The following APOBEC3B variants were observed in gnomAD, a reference collection of about 807,000 sequenced individuals.
APOBEC3B encodes the protein apolipoprotein B mRNA editing enzyme catalytic subunit 3B.
A neutral mutation model predicts 53.4 loss-of-function variants in APOBEC3B; 29 were observed. The ratio of observed to expected loss-of-function variants is 0.54; its 90% CI spans 0.40 to 0.74. APOBEC3B has a LOEUF of 0.74. APOBEC3B is among the 30% of genes least tolerant of loss of function. The pLI is 0.00. For missense variants in APOBEC3B, 347 were observed against 496.2 expected, an observed-to-expected ratio of 0.70 and a Z score of 2.86; for synonymous variants, 132 against 184.8, an observed-to-expected ratio of 0.71 and a Z score of 2.32.
Position 38,992,051 on chromosome 22 carries a change from G to C in APOBEC3B, c.1036G>C (p.Asp346His). The C allele has an allele frequency of 6.3e-7, 1 of 1,587,522 alleles. No individual in the cohort carries two copies. The highest frequency in any genetic ancestry group is 8.6e-7 in the Non-Finnish European group (1 of 1,169,556). ...CTTTTCAGAGTTTGAGTACTGCTGG[G>C]ACACCTTTGTGTACCGCCAGGGATG... Reference protein sequence around the residue: ...MTYDEFEYCWDTFVYRQGCPF... With the variant: ...MTYDEFEYCWHTFVYRQGCPF... The change falls in exon 7 of 8, where the codon GAC becomes CAC. Residue 346 changes from aspartate to histidine, a missense_variant. This residue lies in a region of APOBEC3B where 78 missense variants were observed against 103.9 expected (regional missense o/e 0.75). Transcript: ENST00000333467.
intron 4 of APOBEC3B, 64 bp downstream of exon 4, chr22:38,986,476 C>A: frequency 6.5e-7 from 1 of 1,547,124 alleles, no homozygotes; most frequent in Non-Finnish European, 8.8e-7. Context: ...CTGAGGCCTC[C>A]GTTGGCCTGG....
intron 4 of APOBEC3B, among the ~76,000 whole-genome samples, chr22:38,988,106 G>A (rs1923812870): frequency 6.7e-6 from 1 of 148,506 alleles, no homozygotes; most frequent in Admixed American, 6.9e-5. Flanking sequence ...ACACTAAAAA[G>A]GAGACAAGAA....
chr22:38,986,047 G>A lies in APOBEC3B; in HGVS notation c.410G>A (p.Arg137Lys). Residue 137 changes from arginine (R) to lysine (K), a missense_variant, in exon 3 of 8, where the codon AGG becomes AAG. Coordinates refer to ENST00000333467, the MANE Select transcript of APOBEC3B (RefSeq NM_004900.5). Reference sequence around the variant, plus strand: ...AGAGATTACCGAAGGGCGCTCTGCAGGCTGAGTCAGGCAGGAGCCCGCGTG... The same window carrying A: ...AGAGATTACCGAAGGGCGCTCTGCAAGCTGAGTCAGGCAGGAGCCCGCGTG... ...WERDYRRALCRLSQAGARVTI... is the reference protein window; with the variant it reads ...WERDYRRALCKLSQAGARVTI... The A allele has an allele frequency of 6.3e-7, 1 of 1,592,778 alleles. No individual in the cohort carries two copies. Among genetic ancestry groups the A allele is most frequent in the Middle Eastern group, 1.7e-4 (1 of 5,994 alleles).
rs111355490 is a variant in APOBEC3B, at chr22:38,986,118, G to A, written c.454+27G>A. The A allele has an allele frequency of 5.0e-6, 8 of 1,586,270 alleles. 1 individual carries two copies. Among genetic ancestry groups the A allele is most frequent in the South Asian group, 4.6e-5 (4 of 87,786 alleles). On this transcript the variant is annotated intron_variant, in intron 3 of 7. Coordinates refer to ENST00000333467, the MANE Select transcript of APOBEC3B (RefSeq NM_004900.5). ...TGAGAGGTGGAGGGGTCAGGGGAGC[G>A]TGAGCGGGAGGAACAGCATGAAAGA...
chr22:38,989,286 G>T (rs1923892583), intron 4 of APOBEC3B, among the ~76,000 whole-genome samples, 171 bp from the exon 5 acceptor site: 1 of 148,358 alleles, frequency 6.7e-6, no homozygotes, highest in South Asian at 2.2e-4. Flanking sequence ...TCCACCAGAA[G>T]GGGTCAGAGA....
chr22:38,992,682 C>A lies in APOBEC3B; in HGVS notation c.*237C>A. ...AGAGTAAGATTATGCTCAATATTCC[C>A]AGAATAGTTTTCAATGTATTAATGA... is the stretch of plus-strand genomic sequence containing the variant. On this transcript the variant is annotated 3_prime_UTR_variant, in exon 8 of 8. Transcript: ENST00000333467. 1 of 1,192,630 alleles carries A rather than the reference C, an allele frequency of 8.4e-7. No homozygotes were observed. The highest frequency in any genetic ancestry group is 1.2e-6 in the Non-Finnish European group (1 of 864,688). 73.9% of individuals were successfully genotyped at this position (1,192,630 alleles called of 1,614,324 possible). A position where few individuals can be genotyped will look rare whatever the true frequency, so the allele number is the denominator to read the frequency against.
In APOBEC3B at chr22:38,988,041, G is replaced by C. The variant is rs756714666; in HGVS notation, c.570-1416G>C. On this transcript the variant is annotated intron_variant, in intron 4 of 7. Coordinates refer to ENST00000333467, the MANE Select transcript of APOBEC3B (RefSeq NM_004900.5). Reference sequence around the variant, plus strand: ...TGAACCCGGGAGGGACAGCAGTGCTGGTCACGGAAACACCCAGGACTCAGG... The same window carrying C: ...TGAACCCGGGAGGGACAGCAGTGCTCGTCACGGAAACACCCAGGACTCAGG... Among the ~76,000 whole-genome samples the C allele has an allele frequency of 4.4e-4, 65 of 148,604 alleles. 4 individuals carry two copies. Among genetic ancestry groups the C allele is most frequent in the Non-Finnish European group, 7.1e-4 (48 of 67,302 alleles).
chr22:38,992,389 C>T, intron 7 of APOBEC3B, 42 bp from the exon 8 acceptor site: 1 of 1,594,840 alleles, frequency 6.3e-7, no homozygotes, highest in Non-Finnish European at 8.6e-7. Flanking sequence ...CCTCTTTCCA[C>T]TCTCTCACCT....
In APOBEC3B at chr22:38,984,896, T is replaced by C. The variant is rs1923673430; in HGVS notation, c.174+665T>C. Among the ~76,000 whole-genome samples the C allele has an allele frequency of 1.2e-4, 3 of 24,990 alleles. 1 individual carries two copies. Among genetic ancestry groups the C allele is most frequent in the East Asian group, 2.5e-3 (2 of 792 alleles). 16.4% of individuals were successfully genotyped at this position (24,990 alleles called of 152,430 possible). A position where few individuals can be genotyped will look rare whatever the true frequency, so the allele number is the denominator to read the frequency against. On this transcript the variant is annotated intron_variant, in intron 2 of 7. Transcript: ENST00000333467. The stretch of plus-strand genomic sequence containing the variant: ...ACATTTCTTTTTTCTCTTTTTTTCC[T>C]TTTTTTTTTTTTTTTTTTTTTCCGA...
At chr22:38,984,291 G>T (rs1296683707) in intron 2 of APOBEC3B, 60 bp downstream of exon 2, 1 of 1,542,356 alleles carries the variant, frequency 6.5e-7, no homozygotes, top group Non-Finnish European at 8.7e-7. Context: ...GGACTGGAGA[G>T]ACTGATATGG....
intron 6 of APOBEC3B, 140 bp from the exon 7 acceptor site, chr22:38,991,894 G>A: frequency 3.7e-6 from 5 of 1,354,306 alleles, no homozygotes; most frequent in Non-Finnish European, 3.9e-6. Flanking sequence ...CCTGATGAAG[G>A]AGCTAAGTCC....
Position 38,989,417 on chromosome 22 carries a change from G to A in APOBEC3B, c.570-40G>A, listed in dbSNP as rs149107365. 9 of 1,515,792 alleles carry A rather than the reference G, an allele frequency of 5.9e-6. 1 individual carries two copies. Among genetic ancestry groups the A allele is most frequent in the Non-Finnish European group, 8.0e-6 (9 of 1,119,514 alleles). The allele number at this position is 1,515,792 out of a possible 1,614,324, so 93.9% of individuals were successfully genotyped here. ...GAGGAGCGAGAGGTAGTCCCAGGAGGAGTCTTAGGGCTTTTGGTTTCCCCT... is the reference window on the plus strand; with the variant it reads ...GAGGAGCGAGAGGTAGTCCCAGGAGAAGTCTTAGGGCTTTTGGTTTCCCCT... On this transcript the variant is annotated intron_variant, in intron 4 of 7. Transcript: ENST00000333467.
chr22:38,990,796 G>C (rs200398701), intron 5 of APOBEC3B, among the ~76,000 whole-genome samples: 5,987 of 135,886 alleles, frequency 0.044, 499 homozygotes, highest in African/African-American at 0.12. Flanking sequence ...TCACTCAGGG[G>C]CATCAGGCCA....
chr22:38,986,515 C>G (rs1923749143), intron 4 of APOBEC3B, 103 bp downstream of exon 4: 1 of 1,334,332 alleles, frequency 7.5e-7, no homozygotes, highest in Non-Finnish European at 1.0e-6. Context: ...TGACCCACTG[C>G]CTGCCCTCAT....
intron 2 of APOBEC3B, among the ~76,000 whole-genome samples, chr22:38,984,916 T>A (rs1414334538): frequency 7.2e-6 from 1 of 139,060 alleles, no homozygotes; most frequent in Non-Finnish European, 1.5e-5. Flanking sequence ...TTTTTTTTTT[T>A]TCCGAGATGG....
chr22:38,992,636 C>CT lies in APOBEC3B; in HGVS notation c.*192dup. On this transcript the variant is annotated 3_prime_UTR_variant, in exon 8 of 8. Transcript: ENST00000333467. ...GTCAATTAATTTTAATTGAAAATTT[C>CT]TCTTATGTTCCAAGTGTACAAGAGT... is the stretch of plus-strand genomic sequence containing the variant. 2 of 1,448,320 alleles carry CT rather than the reference C, an allele frequency of 1.4e-6. No homozygotes were observed. Among genetic ancestry groups the CT allele is most frequent in the Non-Finnish European group, 9.2e-7 (1 of 1,082,206 alleles). 89.7% of individuals were successfully genotyped at this position (1,448,320 alleles called of 1,614,324 possible). A position where few individuals can be genotyped will look rare whatever the true frequency, so the allele number is the denominator to read the frequency against.
Position 38,989,351 on chromosome 22 carries a change from C to A in APOBEC3B, c.570-106C>A. 1.8e-6 allele frequency: 2 copies of A among 1,113,710 alleles called. 1 individual carries two copies. Among genetic ancestry groups the A allele is most frequent in the East Asian group, 6.1e-5 (2 of 32,658 alleles). 69.0% of individuals were successfully genotyped at this position (1,113,710 alleles called of 1,614,324 possible). On this transcript the variant is annotated intron_variant, in intron 4 of 7. Transcript: ENST00000333467. ...TGGAAGCGCCTCCTCTGACAGGTGC[C>A]TCAGTATATGGGGAGCAGGGAAGGA... is the stretch of plus-strand genomic sequence containing the variant.
chr22:38,989,205 C>G (rs1333640235), intron 4 of APOBEC3B, among the ~76,000 whole-genome samples: 1 of 148,156 alleles, frequency 6.7e-6, no homozygotes, highest in Non-Finnish European at 1.5e-5. Context: ...GGCCTGAGCA[C>G]ACTGAGCTGA....
chr22:38,986,678 G>A lies in APOBEC3B; in HGVS notation c.569+266G>A, dbSNP rs879270344. On this transcript the variant is annotated intron_variant, in intron 4 of 7. Coordinates refer to ENST00000333467, the MANE Select transcript of APOBEC3B (RefSeq NM_004900.5). ...CAAACAGCAAGACAGGGTGGCCTGG[G>A]ACACCAGCCGCTGCCCTTCTGTGAC... Among the ~76,000 whole-genome samples, 17 of 148,888 alleles carry A rather than the reference G, an allele frequency of 1.1e-4. 1 individual carries two copies. The highest frequency in any genetic ancestry group is 2.2e-4 in the Non-Finnish European group (15 of 67,306).
Sources: allele counts gnomAD v4.1 joint callset (sites outside exome capture counted in the v4.1 genomes callset), GRCh38; gene constraint gnomAD v4.1.1; regional missense constraint gnomAD v4.1.1; transcripts MANE v1.5; gene names NCBI Gene and HGNC (gene_info 2026-07-23, HGNC 2026-07-21).